Variants in IL3RA observed in about 807,000 individuals in gnomAD.
IL3RA encodes interleukin 3 receptor subunit alpha, also known as interleukin-3 receptor subunit alpha.
In IL3RA, 73 loss-of-function variants were observed where a neutral mutation model predicts 52.3. The ratio of observed to expected loss-of-function variants is 1.40; its 90% confidence interval spans 1.16 to 1.70. IL3RA has a LOEUF of 1.70. Among genes scored for constraint, IL3RA ranks in the 40% most tolerant of loss-of-function variants. The pLI is 0.00. For synonymous variants in IL3RA, 260 were observed against 194.0 expected, an observed-to-expected ratio of 1.34 and a Z score of -2.83; for missense variants, 664 against 504.4, an observed-to-expected ratio of 1.32 and a Z score of -3.03.
chrX:1,345,060 T>C lies in IL3RA; in HGVS notation c.65-256T>C, dbSNP rs190367037. On this transcript the variant is annotated intron_variant, in intron 2 of 11. Coordinates refer to ENST00000331035, the MANE Select transcript of IL3RA (RefSeq NM_002183.4). ...GGCGGGCGCCTGTAGTCCCAGCTAC[T>C]CGGGAGGCTGAGGCAGGAGAGTTGC... 4.5e-3 allele frequency among the ~76,000 whole-genome samples: 677 copies of C among 150,702 alleles called. 11 individuals are homozygous for C. Among genetic ancestry groups the C allele is most frequent in the African/African-American group, 0.016 (652 of 40,946 alleles).
At chrX:1,368,176 G>A (rs1452391531) in intron 9 of IL3RA, among the ~76,000 whole-genome samples, 4 of 149,766 alleles carry the variant, frequency 2.7e-5, no homozygotes, top group African/African-American at 4.9e-5. Context: ...GGAGAATGGC[G>A]TGAACCCGGG....
rs17880672 is a variant in IL3RA, at chrX:1,358,099, C to T, written c.733-762C>T. Among the ~76,000 whole-genome samples the T allele has an allele frequency of 4.7e-3, 702 of 150,442 alleles. 5 individuals are homozygous for T. The highest frequency in any genetic ancestry group is 0.016 in the African/African-American group (638 of 40,944). On this transcript the variant is annotated intron_variant, in intron 7 of 11. Coordinates refer to ENST00000331035, the MANE Select transcript of IL3RA (RefSeq NM_002183.4). ...CATCCTGGGCAACAGAGTGAGACTC[C>T]GTCTCAGGAGAAAAAAAAAAAAAGA...
chrX:1,362,499 TG>T (rs1156345035), intron 8 of IL3RA, among the ~76,000 whole-genome samples: 1 of 142,192 alleles, frequency 7.0e-6, no homozygotes, highest in Non-Finnish European at 1.5e-5. Flanking sequence ...CCACTATCTC[TG>T]TCTATGTCTG....
intron 3 of IL3RA, among the ~76,000 whole-genome samples, chrX:1,346,538 C>T (rs1315127909): frequency 1.3e-5 from 2 of 151,838 alleles, no homozygotes. Flanking sequence ...ACCTGGGAGG[C>T]CGAGGTTGCA....
At chrX:1,358,780 AG>A in intron 7 of IL3RA, 80 bp from the exon 8 acceptor site, 1 of 1,514,996 alleles carries the variant, frequency 6.6e-7, no homozygotes, top group Non-Finnish European at 9.2e-7. Flanking sequence ...GTTTTCCTGG[AG>A]GGAGAAATTT....
chrX:1,353,943 A>AGC lies in IL3RA; in HGVS notation c.616+1437_616+1438insGC, dbSNP rs1187426063. Among the ~76,000 whole-genome samples, 318 of 42,674 alleles carry AGC rather than the reference A, an allele frequency of 7.5e-3. 3 individuals are homozygous for AGC. The highest frequency in any genetic ancestry group is 0.011 in the Non-Finnish European group (243 of 21,724). The allele number at this position is 42,674 out of a possible 152,430, so 28.0% of individuals were successfully genotyped here. On this transcript the variant is annotated intron_variant, in intron 6 of 11. Transcript: ENST00000331035. ...CATGGGTTCCATCATGGGTCATGGGACCCCCCCCCCCATCATGGGTCGTGG... is the reference window on the plus strand; with the variant it reads ...CATGGGTTCCATCATGGGTCATGGGAGCCCCCCCCCCCCATCATGGGTCGTGG...
intron 11 of IL3RA, 101 bp downstream of exon 11, chrX:1,381,205 C>T (rs1163066220): frequency 2.0e-6 from 2 of 996,114 alleles, no homozygotes; most frequent in Non-Finnish European, 3.2e-6. Context: ...TGGAGACCAG[C>T]CTGGCCAACA....
intron 8 of IL3RA, among the ~76,000 whole-genome samples, chrX:1,364,709 C>T (rs2087772136): frequency 6.6e-6 from 1 of 151,698 alleles, no homozygotes; most frequent in African/African-American, 2.4e-5. Flanking sequence ...AACTCCTGGG[C>T]TTAAGGAATT....
intron 10 of IL3RA, among the ~76,000 whole-genome samples, chrX:1,379,622 C>G (rs1443469473): frequency 2.6e-5 from 4 of 152,224 alleles, no homozygotes; most frequent in Non-Finnish European, 4.4e-5. Context: ...GGGCCTGACA[C>G]AGTCAGAGGG....
chrX:1,382,617 G>C lies in IL3RA; in HGVS notation c.*152G>C, dbSNP rs143428159. ...GGGAGATGCCTGTGTAATTTCGTCC[G>C]AAGCTGCCAGGAAGAAGAACAGAAC... is the stretch of plus-strand genomic sequence containing the variant. On this transcript the variant is annotated 3_prime_UTR_variant, in exon 12 of 12. Coordinates refer to ENST00000331035, the MANE Select transcript of IL3RA (RefSeq NM_002183.4). 2 of 698,446 alleles carry C rather than the reference G, an allele frequency of 2.9e-6. No homozygotes were observed. The highest frequency in any genetic ancestry group is 3.6e-5 in the African/African-American group (2 of 56,106). 43.3% of individuals were successfully genotyped at this position (698,446 alleles called of 1,614,324 possible).
chrX:1,367,906 C>G (rs2088283292), intron 9 of IL3RA, among the ~76,000 whole-genome samples: 1 of 151,754 alleles, frequency 6.6e-6, no homozygotes, highest in Non-Finnish European at 1.5e-5. Context: ...TCTGTGACCC[C>G]AAAAAGGACC....
rs770919833 is a variant in IL3RA, at chrX:1,344,171, C to T, written c.65-1145C>T. On this transcript the variant is annotated intron_variant, in intron 2 of 11. Coordinates refer to ENST00000331035, the MANE Select transcript of IL3RA (RefSeq NM_002183.4). ...CTTCCCAGCCAGGCTCAGTAACTCA[C>T]GTCTGTGATCCCAGCACTTTGGGAG... Among the ~76,000 whole-genome samples the T allele has an allele frequency of 4.6e-5, 7 of 152,188 alleles. No homozygotes were observed. The South Asian group carries it at 8.3e-4, about 18-fold the overall frequency.
At chrX:1,348,286 G>C (rs1436551472) in intron 3 of IL3RA, 145 bp from the exon 4 acceptor site, 2 of 682,180 alleles carry the variant, frequency 2.9e-6, no homozygotes, top group Admixed American at 2.2e-5. Context: ...CCGGGAGGGA[G>C]AGGCTGCAGT....
chrX:1,345,402 G>C lies in IL3RA; in HGVS notation c.151G>C (p.Glu51Gln), dbSNP rs189735318. The C allele has an allele frequency of 2.9e-5, 47 of 1,609,306 alleles. No individual in the cohort carries two copies. The highest frequency in any genetic ancestry group is 2.9e-4 in the South Asian group (26 of 90,490). Residue 51 changes from glutamate (E) to glutamine (Q), a missense_variant, in exon 3 of 12, where the codon GAG (glutamate) becomes CAG (glutamine). Transcript: ENST00000331035. The part of the protein sequence containing the change: ...WDLNRNVTDI[E>Q]CVKDADYSMP... ...CCTTAACAGAAATGTGACCGATATC[G>C]AGTGTGTTAAAGACGCCGACTATTC...
Position 1,378,784 on chromosome X carries a change from C to A in IL3RA, c.980+20C>A. ...CAGAAGGTGAGCCCTCGAGGGCGTC[C>A]GCGAGCGTCGCTTGTTTCCAGTGTG... On this transcript the variant is annotated intron_variant, in intron 10 of 11. Transcript: ENST00000331035. 1 of 1,594,352 alleles carries A rather than the reference C, an allele frequency of 6.3e-7. No individual in the cohort carries two copies. Among genetic ancestry groups the A allele is most frequent in the Non-Finnish European group, 8.6e-7 (1 of 1,163,712 alleles).
intron 4 of IL3RA, among the ~76,000 whole-genome samples, chrX:1,351,622 C>A (rs1201419296): frequency 6.9e-6 from 1 of 144,118 alleles, no homozygotes; most frequent in Non-Finnish European, 1.5e-5. Context: ...AGCCACCATG[C>A]CTGGGTTTGT....
At chrX:1,340,830 A>G (rs1244202962) in intron 1 of IL3RA, among the ~76,000 whole-genome samples, 1 of 151,772 alleles carries the variant, frequency 6.6e-6, no homozygotes, top group East Asian at 1.9e-4. Context: ...AAAATACAAA[A>G]AGTGGGCTGG....
intron 9 of IL3RA, 128 bp from the exon 10 acceptor site, chrX:1,378,531 G>T: frequency 1.3e-6 from 1 of 756,842 alleles, no homozygotes; most frequent in East Asian, 2.7e-5. Flanking sequence ...CTACTGGGGT[G>T]TCCCCCCCTG....
chrX:1,356,203 T>C lies in IL3RA; in HGVS notation c.617-18T>C. On this transcript the variant is annotated intron_variant, in intron 6 of 11. Transcript: ENST00000331035. Reference sequence around the variant, plus strand: ...TTCTTGTACTCCTAAATCCTAAAAGTGTTTTTCTCGTTGCTAGAGATATTA... The same window carrying C: ...TTCTTGTACTCCTAAATCCTAAAAGCGTTTTTCTCGTTGCTAGAGATATTA... The C allele has an allele frequency of 6.9e-7, 1 of 1,446,716 alleles. No homozygotes were observed. Among genetic ancestry groups the C allele is most frequent in the Non-Finnish European group, 9.6e-7 (1 of 1,038,250 alleles). The allele number at this position is 1,446,716 out of a possible 1,614,324, so 89.6% of individuals were successfully genotyped here. A position where few individuals can be genotyped will look rare whatever the true frequency, so the allele number is the denominator to read the frequency against.
Sources: allele counts gnomAD v4.1 joint callset (sites outside exome capture counted in the v4.1 genomes callset), GRCh38; gene constraint gnomAD v4.1.1; transcripts MANE v1.5; gene names NCBI Gene and HGNC (gene_info 2026-07-23, HGNC 2026-07-21).